The following CDH12 variants were observed in gnomAD, a reference collection of about 807,000 sequenced individuals.
CDH12 encodes the protein cadherin 12.
CDH12 carries 41 observed loss-of-function variants against 74.1 expected under a neutral mutation model. That is an observed-to-expected ratio of 0.55 (90% confidence interval 0.43 to 0.72). The LOEUF is 0.72. Among genes scored for constraint, CDH12 ranks in the 30% least tolerant of loss-of-function variants. The pLI, the probability that CDH12 is intolerant of heterozygous loss-of-function variation, is 0.00. For synonymous variants in CDH12, 399 were observed against 355.0 expected (o/e 1.12, Z -1.39); for missense variants, 945 against 977.2 (o/e 0.97, Z 0.44).
chr5:22,074,021 T>C (rs1742131960), intron 5 of CDH12, among the ~76,000 whole-genome samples: 1 of 152,122 alleles, frequency 6.6e-6, no homozygotes, highest in African/African-American at 2.4e-5. Context: ...TGCATAGGTT[T>C]ACTTTATGTG....
intron 6 of CDH12, among the ~76,000 whole-genome samples, chr5:21,960,071 C>T (rs1000638989): frequency 1.3e-5 from 2 of 152,036 alleles, no homozygotes; most frequent in Admixed American, 6.6e-5. Context: ...TACAAAGAGG[C>T]TCCCACACAA....
chr5:21,801,605 GC>G lies in CDH12; in HGVS notation c.1256+561del, dbSNP rs1480334730. On this transcript the variant is annotated intron_variant, in intron 10 of 14. Transcript: ENST00000382254. The stretch of plus-strand genomic sequence containing the variant: ...GGAAGCAGCTTCTTGCAAAGCATTT[GC>G]TTTGAGCAATTCCATAAATTCATTT... Among the ~76,000 whole-genome samples the G allele has an allele frequency of 4.6e-5, 7 of 152,282 alleles. No homozygotes were observed. The East Asian group carries it at 1.4e-3, about 29-fold the overall frequency.
At chr5:21,794,277 G>A (rs898421277) in intron 10 of CDH12, among the ~76,000 whole-genome samples, 5 of 151,176 alleles carry the variant, frequency 3.3e-5, no homozygotes, top group Non-Finnish European at 7.4e-5. Context: ...TTTCTTGTTT[G>A]CTTTTTTTTG....
intron 5 of CDH12, among the ~76,000 whole-genome samples, chr5:22,054,024 A>T (rs550540671): frequency 1.5e-3 from 228 of 151,928 alleles, no homozygotes; most frequent in African/African-American, 5.4e-3. Context: ...GAAGAACACG[A>T]CTTGTTTTTT....
intron 3 of CDH12, among the ~76,000 whole-genome samples, chr5:22,337,959 A>G (rs1739664209): frequency 6.6e-6 from 1 of 152,190 alleles, no homozygotes; most frequent in Admixed American, 6.5e-5. Context: ...AAACCTTTGT[A>G]CACTGTTGGT....
chr5:21,939,356 C>A (rs187153320), intron 6 of CDH12, among the ~76,000 whole-genome samples: 2 of 151,368 alleles, frequency 1.3e-5, no homozygotes, highest in Non-Finnish European at 2.9e-5. Flanking sequence ...TTTTAAAATG[C>A]CAGTAAGGTA....
intron 10 of CDH12, among the ~76,000 whole-genome samples, chr5:21,799,610 T>C (rs1746999774): frequency 6.6e-6 from 1 of 152,094 alleles, no homozygotes; most frequent in Non-Finnish European, 1.5e-5. Context: ...AGAAATGTGG[T>C]AAAATGAAAG....
chr5:22,333,833 CAAAT>C (rs1739447590), intron 3 of CDH12, among the ~76,000 whole-genome samples: 1 of 152,134 alleles, frequency 6.6e-6, no homozygotes, highest in Non-Finnish European at 1.5e-5. Context: ...TCAACATACA[CAAAT>C]AAATCCATGT....
chr5:22,494,923 G>A (rs761508533), intron 2 of CDH12, among the ~76,000 whole-genome samples: 17 of 152,080 alleles, frequency 1.1e-4, no homozygotes, highest in Non-Finnish European at 2.1e-4. Context: ...ATTCCCTATC[G>A]TTAAGAAGAC....
intron 1 of CDH12, among the ~76,000 whole-genome samples, chr5:22,766,633 A>G (rs1237845675): frequency 6.6e-6 from 1 of 152,086 alleles, no homozygotes; most frequent in Non-Finnish European, 1.5e-5. Flanking sequence ...TGGCCCTTCC[A>G]ACTCCTGTGG....
chr5:22,744,156 G>A (rs1032905976), intron 1 of CDH12, among the ~76,000 whole-genome samples: 11 of 151,964 alleles, frequency 7.2e-5, no homozygotes, highest in African/African-American at 2.4e-4. Flanking sequence ...TAGGCCAGGC[G>A]CGGTGGCTCA....
At chr5:22,076,942 T>G (rs1009979769) in intron 5 of CDH12, among the ~76,000 whole-genome samples, 1 of 152,134 alleles carries the variant, frequency 6.6e-6, no homozygotes, top group East Asian at 1.9e-4. Flanking sequence ...GCCCTGTGGA[T>G]CTTTAGGGAT....
chr5:22,649,470 GA>G (rs1358579526), intron 1 of CDH12, among the ~76,000 whole-genome samples: 1 of 151,980 alleles, frequency 6.6e-6, no homozygotes, highest in Non-Finnish European at 1.5e-5. Flanking sequence ...AATGCAAGGG[GA>G]ACACTAGGCA....
At chr5:22,077,122 G>T (rs1372467621) in intron 5 of CDH12, among the ~76,000 whole-genome samples, 2 of 151,566 alleles carry the variant, frequency 1.3e-5, no homozygotes, top group Non-Finnish European at 2.9e-5. Context: ...TGACCAGAAT[G>T]GTACTTATGG....
intron 2 of CDH12, among the ~76,000 whole-genome samples, chr5:22,459,060 C>T (rs1407176702): frequency 2.0e-5 from 3 of 152,066 alleles, no homozygotes; most frequent in Non-Finnish European, 4.4e-5. Context: ...GTACCCTCAG[C>T]AAGAAAATTA....
chr5:22,410,787 A>G (rs1743139919), intron 2 of CDH12, among the ~76,000 whole-genome samples: 1 of 152,088 alleles, frequency 6.6e-6, no homozygotes, highest in Non-Finnish European at 1.5e-5. Context: ...TGTTTGGGAT[A>G]CAGAAGAGAT....
intron 4 of CDH12, among the ~76,000 whole-genome samples, chr5:22,137,981 A>C (rs1300457327): frequency 6.6e-6 from 1 of 152,170 alleles, no homozygotes; most frequent in Non-Finnish European, 1.5e-5. Context: ...TCTTGGAGGT[A>C]TAATTTACTT....
chr5:22,385,836 T>G (rs1741972504), intron 3 of CDH12, among the ~76,000 whole-genome samples: 1 of 151,346 alleles, frequency 6.6e-6, no homozygotes, highest in African/African-American at 2.4e-5. Context: ...AGGCACATCT[T>G]ACATGGCCAG....
At chr5:22,120,580 G>T (rs1745451127) in intron 4 of CDH12, among the ~76,000 whole-genome samples, 1 of 151,992 alleles carries the variant, frequency 6.6e-6, no homozygotes, top group South Asian at 2.1e-4. Flanking sequence ...TATTTAACTT[G>T]TTCTTTAATA....
Sources: gnomAD v4.1 joint callset for allele counts (sites outside exome capture counted in the v4.1 genomes callset) on GRCh38, gnomAD v4.1.1 for gene constraint, MANE v1.5 for transcripts, NCBI Gene and HGNC (gene_info 2026-07-23, HGNC 2026-07-21) for gene names.